Variants in FNDC3B observed in about 807,000 individuals in gnomAD.
FNDC3B encodes fibronectin type III domain-containing protein 3B.
In FNDC3B, 12 loss-of-function variants were observed where a neutral mutation model predicts 151.5. That is an observed-to-expected ratio of 0.08 (90% CI 0.05 to 0.13). The LOEUF is 0.13. Among genes scored for constraint, FNDC3B ranks in the 10% least tolerant of loss-of-function variants. The probability of loss-of-function intolerance (pLI) is 1.00; values close to 1 mark genes in which losing one functional copy is unlikely to be tolerated. For missense variants in FNDC3B, 1,214 were observed against 1,505.3 expected, an observed-to-expected ratio of 0.81 and a Z score of 3.20; for synonymous variants, 528 against 549.0, an observed-to-expected ratio of 0.96 and a Z score of 0.54.
At chr3:172,071,095 G>A (rs1186512006) in intron 1 of FNDC3B, among the ~76,000 whole-genome samples, 3 of 152,036 alleles carry the variant, frequency 2.0e-5, no homozygotes, top group Admixed American at 6.5e-5. Context: ...TTTTGATAGT[G>A]CTAAAAATTA....
chr3:172,229,881 A>G (rs1168157992), intron 4 of FNDC3B, among the ~76,000 whole-genome samples: 1 of 152,228 alleles, frequency 6.6e-6, no homozygotes, highest in Admixed American at 6.5e-5. Context: ...TTTAAAAGAG[A>G]GAGGAACACC....
At chr3:172,159,783 G>A (rs1257203207) in intron 3 of FNDC3B, among the ~76,000 whole-genome samples, 1 of 152,150 alleles carries the variant, frequency 6.6e-6, no homozygotes, top group Non-Finnish European at 1.5e-5. Context: ...TTAGGTTCTG[G>A]ATTCATTTTA....
chr3:172,329,089 C>T lies in FNDC3B; in HGVS notation c.1379+13C>T, dbSNP rs992688668. 2 of 1,602,282 alleles carry T rather than the reference C, an allele frequency of 1.2e-6. No individual in the cohort carries two copies. On this transcript the variant is annotated intron_variant, in intron 12 of 25. Coordinates refer to ENST00000415807, the MANE Select transcript of FNDC3B (RefSeq NM_022763.4). ...ACATTGGTACCAGGTATGACGTTTC[C>T]TTGTCCTCTTGCCCTTCAGCCTTTG...
At chr3:172,093,319 C>T (rs1357666455) in intron 1 of FNDC3B, among the ~76,000 whole-genome samples, 15 of 150,642 alleles carry the variant, frequency 1.0e-4, no homozygotes, top group Admixed American at 3.3e-4. Flanking sequence ...AGTGCAGTGG[C>T]ACTATCTTGG....
At chr3:172,387,272 A>G (rs769132855) in intron 25 of FNDC3B, among the ~76,000 whole-genome samples, 8 of 151,910 alleles carry the variant, frequency 5.3e-5, no homozygotes, top group Non-Finnish European at 1.2e-4. Flanking sequence ...TTATTTTTGT[A>G]TTTTTAGTGG....
At chr3:172,091,909 T>TGTGTGTGTGTGTGTGTG (rs71178259) in intron 1 of FNDC3B, among the ~76,000 whole-genome samples, 23 of 148,382 alleles carry the variant, frequency 1.6e-4, no homozygotes, top group Non-Finnish European at 2.4e-4. Context: ...TGTGTGTGTG[T>TGTGTGTGTGTGTGTGTG]TAGGGAGGTG....
intron 2 of FNDC3B, among the ~76,000 whole-genome samples, chr3:172,113,257 T>C (rs1720068693): frequency 6.6e-6 from 1 of 152,240 alleles, no homozygotes; most frequent in African/African-American, 2.4e-5. Context: ...ACTAGATATT[T>C]TATCTTTGTA....
Position 172,040,076 on chromosome 3 carries a change from T to TA in FNDC3B, c.-29+313dup, listed in dbSNP as rs1275993413. Among the ~76,000 whole-genome samples the TA allele has an allele frequency of 7.2e-5, 11 of 151,980 alleles. No homozygotes were observed. The South Asian group carries it at 8.3e-4, about 11-fold the overall frequency. On this transcript the variant is annotated intron_variant, in intron 1 of 25. Coordinates refer to ENST00000415807, the MANE Select transcript of FNDC3B (RefSeq NM_022763.4). The surrounding 1 kb of genome is among the most constrained non-coding windows in gnomAD (Gnocchi z 6.6). ...GTGAAAGAAACGGGTAGATTCCTCT[T>TA]AAAAAAAATTGGGCAGTGGCTCGCG...
In FNDC3B at chr3:172,210,054, T is replaced by G. The variant is rs578233960; in HGVS notation, c.188-16817T>G. On this transcript the variant is annotated intron_variant, in intron 3 of 25. Coordinates refer to ENST00000415807, the MANE Select transcript of FNDC3B (RefSeq NM_022763.4). The stretch of plus-strand genomic sequence containing the variant: ...GCCAGGGAGTGGAAGCAGGCACTTC[T>G]GAGCCTGCGGGAGCGCAGGGATGCC... Among the ~76,000 whole-genome samples, 538 of 152,332 alleles carry G rather than the reference T, an allele frequency of 3.5e-3. 3 individuals carry two copies. Among genetic ancestry groups the G allele is most frequent in the African/African-American group, 0.012 (511 of 41,578 alleles).
At chr3:172,186,908 A>G in intron 3 of FNDC3B, 1 of 541,490 alleles carries the variant, frequency 1.8e-6, no homozygotes, top group South Asian at 2.6e-5. Context: ...TCAAAAGTAA[A>G]ATTACCATCA....
At chr3:172,200,195 G>T (rs991516698) in intron 3 of FNDC3B, among the ~76,000 whole-genome samples, 1 of 152,198 alleles carries the variant, frequency 6.6e-6, no homozygotes, top group African/African-American at 2.4e-5. Flanking sequence ...ACACACCAGT[G>T]CACCTAATGT....
intron 2 of FNDC3B, among the ~76,000 whole-genome samples, chr3:172,113,482 G>C (rs1262265845): frequency 2.0e-5 from 3 of 152,100 alleles, no homozygotes; most frequent in Non-Finnish European, 4.4e-5. Flanking sequence ...AGCTGACCTT[G>C]CTGCTTAATA....
intron 18 of FNDC3B, 140 bp from the exon 19 acceptor site, chr3:172,343,946 T>C: frequency 2.9e-6 from 2 of 680,298 alleles, no homozygotes; most frequent in Non-Finnish European, 5.1e-6. Context: ...TCTTTTTTGG[T>C]GGGCATGGAT....
At chr3:172,270,942 T>C (rs534933441) in intron 6 of FNDC3B, among the ~76,000 whole-genome samples, 2 of 152,360 alleles carry the variant, frequency 1.3e-5, no homozygotes, top group South Asian at 4.1e-4. Flanking sequence ...ACAGTCAGTA[T>C]GAAACCCTTT....
chr3:172,387,746 G>C (rs1735792919), intron 25 of FNDC3B, among the ~76,000 whole-genome samples: 1 of 152,182 alleles, frequency 6.6e-6, no homozygotes, highest in Non-Finnish European at 1.5e-5. Context: ...GGTTTATTGA[G>C]AAACTGTCGG....
chr3:172,269,845 C>T (rs1347674388), intron 6 of FNDC3B, among the ~76,000 whole-genome samples: 1 of 152,068 alleles, frequency 6.6e-6, no homozygotes, highest in Non-Finnish European at 1.5e-5. Flanking sequence ...GACAGGGTTT[C>T]ACAGTGTTAG....
intron 23 of FNDC3B, among the ~76,000 whole-genome samples, chr3:172,369,963 A>G (rs552558331): frequency 6.6e-6 from 1 of 150,964 alleles, no homozygotes; most frequent in East Asian, 1.9e-4. Flanking sequence ...GAAATTAAGA[A>G]AAAAAAAAAG....
chr3:172,374,913 A>C (rs914818274), intron 23 of FNDC3B, among the ~76,000 whole-genome samples: 1 of 152,188 alleles, frequency 6.6e-6, no homozygotes, highest in African/African-American at 2.4e-5. Flanking sequence ...GTTTAACTAG[A>C]ATCTATTTTC....
chr3:172,376,104 T>A (rs902312043), intron 23 of FNDC3B, among the ~76,000 whole-genome samples: 3 of 152,256 alleles, frequency 2.0e-5, no homozygotes, highest in Non-Finnish European at 2.9e-5. Context: ...ATGTTTTTCA[T>A]AAATTGGAAT....
Sources: gnomAD v4.1 joint callset for allele counts (sites outside exome capture counted in the v4.1 genomes callset) on GRCh38, gnomAD v4.1.1 for gene constraint, Gnocchi (gnomAD v3.1) non-coding constraint, MANE v1.5 for transcripts, NCBI Gene and HGNC (gene_info 2026-07-23, HGNC 2026-07-21) for gene names.